The following KIF3C variants were observed in gnomAD, a reference collection of about 807,000 sequenced individuals.
The protein encoded by KIF3C is kinesin-like protein KIF3C.
A neutral mutation model predicts 67.7 loss-of-function variants in KIF3C; 12 were observed. The ratio of observed to expected loss-of-function variants is 0.18; its 90% CI spans 0.11 to 0.29. The LOEUF (loss-of-function observed/expected upper bound fraction) is 0.29, where lower values mean the gene tolerates loss of function less well. KIF3C is among the 10% of genes least tolerant of loss of function. The probability of loss-of-function intolerance (pLI) is 1.00; values close to 1 mark genes in which losing one functional copy is unlikely to be tolerated. For missense variants in KIF3C, 789 were observed against 1,059.6 expected (o/e 0.74, Z 3.55); for synonymous variants, 393 against 426.2 (o/e 0.92, Z 0.96).
intron 1 of KIF3C, among the ~76,000 whole-genome samples, chr2:25,959,220 TC>T (rs1374140579): frequency 1.3e-5 from 2 of 152,196 alleles, no homozygotes; most frequent in Admixed American, 1.3e-4. Flanking sequence ...TTTTCCCTGA[TC>T]CCCTTGAAAT....
At position 25,982,253 on chromosome 2, in the gene KIF3C, T is replaced by C. The variant is rs1664621881; in HGVS notation, c.-336A>G. 1 of 414,482 alleles carries C rather than the reference T, an allele frequency of 2.4e-6. No homozygotes were observed. Among genetic ancestry groups the C allele is most frequent in the Admixed American group, 4.2e-5 (1 of 23,766 alleles). 25.7% of individuals were successfully genotyped at this position (414,482 alleles called of 1,614,324 possible). On this transcript the variant is annotated 5_prime_UTR_variant, in exon 1 of 8. Coordinates refer to ENST00000264712, the MANE Select transcript of KIF3C (RefSeq NM_002254.8). ...CTGCCGTAAACAGCTTCGGCAACAA[T>C]GAGATAAAGGAAGAGGAAAATGGGA...
chr2:25,970,861 C>T (rs1395347191), intron 1 of KIF3C, among the ~76,000 whole-genome samples: 3 of 150,388 alleles, frequency 2.0e-5, no homozygotes, highest in African/African-American at 7.4e-5. Flanking sequence ...CATGGTGGCT[C>T]ATGCCTGTAA....
chr2:25,950,894 TA>T lies in KIF3C; in HGVS notation c.2006+894del, dbSNP rs10561610. On this transcript the variant is annotated intron_variant, in intron 5 of 7. Transcript: ENST00000264712. Reference sequence around the variant, plus strand: ...AAATAGGCATCTAAGCTATAGTTGTTAAAAAAAAAAAAAAGAAGAAGAAAAG... The same window carrying T: ...AAATAGGCATCTAAGCTATAGTTGTTAAAAAAAAAAAAAGAAGAAGAAAAG... Among the ~76,000 whole-genome samples, 836 of 134,400 alleles carry T rather than the reference TA, an allele frequency of 6.2e-3. 2 individuals are homozygous for T. The highest frequency in any genetic ancestry group is 0.021 in the South Asian group (89 of 4,250). The allele number at this position is 134,400 out of a possible 152,430, so 88.2% of individuals were successfully genotyped here. A position where few individuals can be genotyped will look rare whatever the true frequency, so the allele number is the denominator to read the frequency against.
chr2:25,963,787 G>T (rs1403943683), intron 1 of KIF3C, among the ~76,000 whole-genome samples: 1 of 151,238 alleles, frequency 6.6e-6, no homozygotes, highest in Non-Finnish European at 1.5e-5. Context: ...CTGCCTCCCA[G>T]GTTCAAGCGA....
rs1663859290 is a variant in KIF3C at position 25,958,269 on chromosome 2, C to A, written c.1546-1825G>T. Among the ~76,000 whole-genome samples the A allele has an allele frequency of 6.6e-6, 1 of 152,132 alleles. No individual in the cohort carries two copies. Among genetic ancestry groups the A allele is most frequent in the Admixed American group, 6.6e-5 (1 of 15,266 alleles). Reference sequence around the variant, plus strand: ...CTTCCACCCCTCTGCCACATGACACCCAGGCAGATCCACTAAAAACACAAC... The same window carrying A: ...CTTCCACCCCTCTGCCACATGACACACAGGCAGATCCACTAAAAACACAAC... On this transcript the variant is annotated intron_variant, in intron 1 of 7. Coordinates refer to ENST00000264712, the MANE Select transcript of KIF3C (RefSeq NM_002254.8). This position sits in a 1 kb window ranked among gnomAD's most constrained non-coding sequence, Gnocchi z 4.5.
chr2:25,977,160 A>G (rs1664440044), intron 1 of KIF3C, among the ~76,000 whole-genome samples: 1 of 152,168 alleles, frequency 6.6e-6, no homozygotes, highest in Non-Finnish European at 1.5e-5. Context: ...CACAGTAAAC[A>G]TGAAAGGAGG....
chr2:25,973,942 T>C (rs1664344299), intron 1 of KIF3C, among the ~76,000 whole-genome samples: 1 of 152,202 alleles, frequency 6.6e-6, no homozygotes, highest in South Asian at 2.1e-4. Context: ...GTGATGTGTT[T>C]AATATATCAG....
At position 25,926,935 on chromosome 2, in the gene KIF3C, G is replaced by GAGAC. The variant is rs1227879986; in HGVS notation, c.*2039_*2042dup. ...CACCAAAAGGAAAAGGAGAGAAAGAGAGACAGAGAGACTGAGATCCAGCCA... is the reference window on the plus strand; with the variant it reads ...CACCAAAAGGAAAAGGAGAGAAAGAGAGACAGACAGAGAGACTGAGATCCAGCCA... On this transcript the variant is annotated 3_prime_UTR_variant, in exon 8 of 8. Transcript: ENST00000264712. 6.6e-6 allele frequency: 1 copy of GAGAC among 152,204 alleles called. No individual in the cohort carries two copies. Among genetic ancestry groups the GAGAC allele is most frequent in the African/African-American group, 2.4e-5 (1 of 41,432 alleles). The allele number at this position is 152,204 out of a possible 1,614,324, so 9.4% of individuals were successfully genotyped here.
At chr2:25,935,562 C>A (rs1663074368) in intron 5 of KIF3C, among the ~76,000 whole-genome samples, 1 of 152,056 alleles carries the variant, frequency 6.6e-6, no homozygotes, top group Non-Finnish European at 1.5e-5. Context: ...GGGTCTCACT[C>A]TGTTGCCCAG....
At chr2:25,942,525 C>T (rs1157872478) in intron 5 of KIF3C, among the ~76,000 whole-genome samples, 1 of 151,798 alleles carries the variant, frequency 6.6e-6, no homozygotes, top group African/African-American at 2.4e-5. Flanking sequence ...ATTCTCCTGC[C>T]TCAGCCTCCC....
chr2:25,929,392 G>C lies in KIF3C; in HGVS notation c.2201C>G (p.Pro734Arg), dbSNP rs535575309. Residue 734 changes from proline (P) to arginine (R), a missense_variant, in exon 7 of 8, where the codon CCT becomes CGT. This residue lies in a region of KIF3C where 648 missense variants were observed against 807.8 expected (regional missense o/e 0.80). Coordinates refer to ENST00000264712, the MANE Select transcript of KIF3C (RefSeq NM_002254.8). ...MEFSHDQEQD[P>R]RALHMERLMR... is the part of the protein sequence containing the mutation. ...GAGCCTCTCCATGTGTAGCGCACGAGGGTCTTGTTCTTGGTCGTGAGAGAA... is the reference window on the plus strand; with the variant it reads ...GAGCCTCTCCATGTGTAGCGCACGACGGTCTTGTTCTTGGTCGTGAGAGAA... 6 of 1,614,128 alleles carry C rather than the reference G, an allele frequency of 3.7e-6. No homozygotes were observed. The African/African-American group carries it at 8.0e-5, about 22-fold the overall frequency.
intron 1 of KIF3C, among the ~76,000 whole-genome samples, chr2:25,968,223 AC>A (rs1664193285): frequency 6.6e-6 from 1 of 152,224 alleles, no homozygotes; most frequent in African/African-American, 2.4e-5. Context: ...AAATCAGGAG[AC>A]TGAGTCTGAG....
chr2:25,956,324 T>C lies in KIF3C; in HGVS notation c.1647+19A>G, dbSNP rs1227678592. The C allele has an allele frequency of 1.3e-6, 2 of 1,593,624 alleles. No individual in the cohort carries two copies. Among genetic ancestry groups the C allele is most frequent in the Non-Finnish European group, 1.7e-6 (2 of 1,161,624 alleles). On this transcript the variant is annotated intron_variant, in intron 2 of 7. Transcript: ENST00000264712. The stretch of plus-strand genomic sequence containing the variant: ...GCAGGCCACACTCTCCAAGGGGACC[T>C]GGCACCTGGAGGCCCTACCTGCTCG...
At chr2:25,953,544 T>TA (rs1287252795) in intron 4 of KIF3C, among the ~76,000 whole-genome samples, 1 of 151,792 alleles carries the variant, frequency 6.6e-6, no homozygotes, top group Non-Finnish European at 1.5e-5. Context: ...ATATTTTTAG[T>TA]AGAGGCGGAG....
rs745446773 is a variant in KIF3C at position 25,958,140 on chromosome 2, C to T, written c.1546-1696G>A. Among the ~76,000 whole-genome samples, 12 of 152,256 alleles carry T rather than the reference C, an allele frequency of 7.9e-5. No individual in the cohort carries two copies. The South Asian group carries it at 2.1e-3, about 26-fold the overall frequency. ...CAAATCTGCTCCTCAGTGCGGCTCC[C>T]ACCACCCCCCATTTTTCATTCTCAC... On this transcript the variant is annotated intron_variant, in intron 1 of 7. Coordinates refer to ENST00000264712, the MANE Select transcript of KIF3C (RefSeq NM_002254.8). This position sits in a 1 kb window ranked among gnomAD's most constrained non-coding sequence, Gnocchi z 4.5.
At chr2:25,943,555 T>C (rs1663348557) in intron 5 of KIF3C, among the ~76,000 whole-genome samples, 1 of 152,190 alleles carries the variant, frequency 6.6e-6, no homozygotes, top group Non-Finnish European at 1.5e-5. Flanking sequence ...TAAAAAATCC[T>C]AGAACTGGCC....
At chr2:25,940,900 G>C (rs1181001401) in intron 5 of KIF3C, among the ~76,000 whole-genome samples, 1 of 151,852 alleles carries the variant, frequency 6.6e-6, no homozygotes, top group Admixed American at 6.6e-5. Flanking sequence ...TTATCTGCCC[G>C]TCTCAGCCTC....
At chr2:25,945,564 C>CAA (rs10581291) in intron 5 of KIF3C, among the ~76,000 whole-genome samples, 122 of 66,808 alleles carry the variant, frequency 1.8e-3, no homozygotes, top group Non-Finnish European at 2.6e-3. Context: ...GAGAATATCT[C>CAA]AAAAAAAAAA....
chr2:25,948,961 CA>C (rs145083654), intron 5 of KIF3C, among the ~76,000 whole-genome samples: 1 of 151,458 alleles, frequency 6.6e-6, no homozygotes, highest in African/African-American at 2.4e-5. Context: ...TAAAGGAGAC[CA>C]AAGAGTCATG....
Sources: gnomAD v4.1 joint callset for allele counts (sites outside exome capture counted in the v4.1 genomes callset) on GRCh38, gnomAD v4.1.1 for gene constraint, gnomAD v4.1.1 regional missense constraint, Gnocchi (gnomAD v3.1) non-coding constraint, MANE v1.5 for transcripts, NCBI Gene and HGNC (gene_info 2026-07-23, HGNC 2026-07-21) for gene names.